The following TRPM7 variants were observed in gnomAD, a reference collection of about 807,000 sequenced individuals.
TRPM7 encodes transient receptor potential cation channel subfamily M member 7, also known as LTRPC ion channel family member 7.
A neutral mutation model predicts 229.7 loss-of-function variants in TRPM7; 134 were observed. That is an observed-to-expected ratio of 0.58 (90% CI 0.51 to 0.67). TRPM7 has a LOEUF of 0.67. Ranked by LOEUF, TRPM7 falls within the 30% of genes least tolerant of loss-of-function variation. The pLI, the probability that TRPM7 is intolerant of heterozygous loss-of-function variation, is 0.00. For missense variants in TRPM7, 1,901 were observed against 2,210.0 expected (o/e 0.86, Z 2.80); for synonymous variants, 699 against 715.2 (o/e 0.98, Z 0.36).
At chr15:50,613,684 G>A in intron 15 of TRPM7, 23 bp downstream of exon 15, 1 of 1,493,156 alleles carries the variant, frequency 6.7e-7, no homozygotes, top group Non-Finnish European at 8.9e-7. Context: ...AACCCAGAAA[G>A]AATAATATTT....
At chr15:50,570,954 T>C (rs1418887205) in intron 36 of TRPM7, among the ~76,000 whole-genome samples, 1 of 152,134 alleles carries the variant, frequency 6.6e-6, no homozygotes, top group African/African-American at 2.4e-5. Flanking sequence ...AAAACATTCA[T>C]GTAACACAGA....
chr15:50,662,381 T>G (rs755078284), intron 2 of TRPM7, among the ~76,000 whole-genome samples: 12 of 151,804 alleles, frequency 7.9e-5, no homozygotes, highest in Non-Finnish European at 1.5e-4. Flanking sequence ...TAAGTAAATA[T>G]TTCATGAGCT....
In TRPM7 at chr15:50,617,990, G is replaced by C. The variant is rs1254800461; in HGVS notation, c.1494+1755C>G. On this transcript the variant is annotated intron_variant, in intron 13 of 38. Coordinates refer to ENST00000646667, the MANE Select transcript of TRPM7 (RefSeq NM_017672.6). ...GTTTTTAATAATGCACTCATACTTAGCAGCAAGTAAAAGCTGAAATAAATA... is the reference window on the plus strand; with the variant it reads ...GTTTTTAATAATGCACTCATACTTACCAGCAAGTAAAAGCTGAAATAAATA... 6.6e-5 allele frequency among the ~76,000 whole-genome samples: 10 copies of C among 152,124 alleles called. No homozygotes were observed. The South Asian group carries it at 2.1e-3, about 32-fold the overall frequency.
chr15:50,568,086 A>G (rs1265480663), intron 38 of TRPM7, among the ~76,000 whole-genome samples: 1 of 148,818 alleles, frequency 6.7e-6, no homozygotes, highest in Admixed American at 6.8e-5. Context: ...CTCAAAAAAA[A>G]AAAAAAAAGA....
intron 38 of TRPM7, among the ~76,000 whole-genome samples, chr15:50,563,203 T>C (rs2141425794): frequency 6.6e-6 from 1 of 152,342 alleles, no homozygotes; most frequent in Non-Finnish European, 1.5e-5. Context: ...CTGTGGTTAT[T>C]TCCACACCAC....
chr15:50,668,974 G>T lies in TRPM7; in HGVS notation c.4-5928C>A, dbSNP rs1371898575. On this transcript the variant is annotated intron_variant, in intron 1 of 38. Coordinates refer to ENST00000646667, the MANE Select transcript of TRPM7 (RefSeq NM_017672.6). ...AATTAAAAGCTGCTTGGGAAAACTGGCCTCATATCTTGTCTACGCAGTCCC... is the reference window on the plus strand; with the variant it reads ...AATTAAAAGCTGCTTGGGAAAACTGTCCTCATATCTTGTCTACGCAGTCCC... 3.9e-5 allele frequency among the ~76,000 whole-genome samples: 6 copies of T among 152,290 alleles called. No individual in the cohort carries two copies. In the East Asian group the frequency reaches 1.2e-3, roughly 29 times the overall value.
chr15:50,561,955 C>T (rs764333960), intron 38 of TRPM7, 147 bp from the exon 39 acceptor site: 110 of 758,452 alleles, frequency 1.5e-4, no homozygotes, highest in Non-Finnish European at 2.0e-4. Flanking sequence ...AGTGCAATGG[C>T]GCGATCTCGG....
At chr15:50,630,614 T>C (rs1317497896) in intron 10 of TRPM7, among the ~76,000 whole-genome samples, 1 of 152,248 alleles carries the variant, frequency 6.6e-6, no homozygotes, top group Non-Finnish European at 1.5e-5. Flanking sequence ...ATCCTATCTT[T>C]ATATTCTATC....
rs76460108 is a variant in TRPM7, at chr15:50,584,457, A to T, written c.4487-1298T>A. Among the ~76,000 whole-genome samples the T allele has an allele frequency of 2.1e-3, 321 of 151,740 alleles. 1 individual carries two copies. The highest frequency in any genetic ancestry group is 7.6e-3 in the African/African-American group (317 of 41,512). The stretch of plus-strand genomic sequence containing the variant: ...GTGTGTATGTTCGTTCTGGGAATAC[A>T]GAGTGAGAAAAGAGAGTTCAATTCT... On this transcript the variant is annotated intron_variant, in intron 28 of 38. Coordinates refer to ENST00000646667, the MANE Select transcript of TRPM7 (RefSeq NM_017672.6).
At chr15:50,593,173 T>C (rs578214586) in intron 25 of TRPM7, among the ~76,000 whole-genome samples, 1 of 151,990 alleles carries the variant, frequency 6.6e-6, no homozygotes, top group South Asian at 2.1e-4. Context: ...CCGGTAATCC[T>C]AGCTACTCAG....
At chr15:50,673,238 C>T (rs1412958479) in intron 1 of TRPM7, among the ~76,000 whole-genome samples, 1 of 152,092 alleles carries the variant, frequency 6.6e-6, no homozygotes, top group Non-Finnish European at 1.5e-5. Context: ...CAGTAAATGC[C>T]TTATACACCT....
chr15:50,677,946 G>T (rs1305724261), intron 1 of TRPM7, among the ~76,000 whole-genome samples: 1 of 150,708 alleles, frequency 6.6e-6, no homozygotes, highest in African/African-American at 2.4e-5. Flanking sequence ...TGACACTAAA[G>T]ACCTAGAAAT....
Position 50,619,766 on chromosome 15 carries a change from A to C in TRPM7, c.1473T>G (p.His491Gln). 1 of 1,598,730 alleles carries C rather than the reference A, an allele frequency of 6.3e-7. No homozygotes were observed. The highest frequency in any genetic ancestry group is 8.5e-7 in the Non-Finnish European group (1 of 1,175,626). Residue 491 changes from histidine (H) to glutamine (Q), a missense_variant, in exon 13 of 39, where the codon CAT becomes CAG. His to Gln is a conservative substitution (Grantham distance 24). Around this residue, in one of 8 missense-constraint regions of TRPM7, gnomAD observed 794 missense variants for 881.9 expected, o/e 0.90. Coordinates refer to ENST00000646667, the MANE Select transcript of TRPM7 (RefSeq NM_017672.6). ...TTACCTGTTTGACGTCTCGAACAAG[A>C]TGAAACAGCATTGGATTAGTTGGAC... ...KQGPTNPMLF[H>Q]LVRDVKQGNL...
intron 2 of TRPM7, among the ~76,000 whole-genome samples, chr15:50,659,675 CT>C (rs11388770): frequency 8.1e-5 from 12 of 149,010 alleles, no homozygotes; most frequent in Non-Finnish European, 8.9e-5. Context: ...TCTATTTTTT[CT>C]TTTTTTTTTG....
At chr15:50,663,113 T>A in intron 1 of TRPM7, 67 bp from the exon 2 acceptor site, 10 of 1,236,272 alleles carry the variant, frequency 8.1e-6, no homozygotes, top group Non-Finnish European at 1.2e-5. Context: ...AACAATTTCA[T>A]GATAAACACA....
At chr15:50,586,727 T>A (rs1471237396) in intron 27 of TRPM7, 2 of 335,356 alleles carry the variant, frequency 6.0e-6, no homozygotes, top group African/African-American at 4.3e-5. Context: ...TTTATAATAA[T>A]AAAAACTCAG....
intron 27 of TRPM7, among the ~76,000 whole-genome samples, chr15:50,587,717 A>T (rs1414818929): frequency 6.6e-6 from 1 of 152,168 alleles, no homozygotes; most frequent in African/African-American, 2.4e-5. Flanking sequence ...AGAGTGTGGC[A>T]ATATGACAAT....
chr15:50,642,230 G>T (rs1487064528), intron 5 of TRPM7, among the ~76,000 whole-genome samples: 1 of 152,130 alleles, frequency 6.6e-6, no homozygotes, highest in Non-Finnish European at 1.5e-5. Flanking sequence ...CCACTAGAAG[G>T]AAAGTGATGG....
At chr15:50,630,152 G>C (rs907857486) in intron 10 of TRPM7, among the ~76,000 whole-genome samples, 2 of 151,876 alleles carry the variant, frequency 1.3e-5, no homozygotes, top group Non-Finnish European at 2.9e-5. Context: ...GTGAGCCAGC[G>C]CACGCAGCCT....
Sources: allele counts gnomAD v4.1 joint callset (sites outside exome capture counted in the v4.1 genomes callset), GRCh38; gene constraint gnomAD v4.1.1; regional missense constraint gnomAD v4.1.1; transcripts MANE v1.5; gene names NCBI Gene and HGNC (gene_info 2026-07-23, HGNC 2026-07-21).